ATAT1: variants seen among roughly 807,000 people sequenced by gnomAD.
ATAT1 encodes the protein alpha tubulin acetyltransferase 1.
A neutral mutation model predicts 57.2 loss-of-function variants in ATAT1; 42 were observed. The observed-to-expected ratio is 0.73, with a 90% CI of 0.57 to 0.95. ATAT1 has a LOEUF of 0.95. Ranked by LOEUF, ATAT1 falls within the 40% of genes least tolerant of loss-of-function variation. The pLI, the probability that ATAT1 is intolerant of heterozygous loss-of-function variation, is 0.00. For synonymous variants in ATAT1, 168 were observed against 187.1 expected (o/e 0.90, Z 0.83); for missense variants, 454 against 523.7 (o/e 0.87, Z 1.30).
intron 6 of ATAT1, among the ~76,000 whole-genome samples, chr6:30,632,651 G>A (rs548996170): frequency 1.3e-5 from 2 of 151,836 alleles, no homozygotes; most frequent in South Asian, 2.1e-4. Flanking sequence ...TTAAGAACAG[G>A]CAATAGCCGG....
chr6:30,646,016 C>T, intron 11 of ATAT1, 42 bp downstream of exon 11: 1 of 1,605,878 alleles, frequency 6.2e-7, no homozygotes, highest in Non-Finnish European at 8.5e-7. Flanking sequence ...AAGTAGGCCA[C>T]ATTCACTGTC....
chr6:30,629,049 C>T (rs1219348514), intron 6 of ATAT1, among the ~76,000 whole-genome samples: 1 of 151,980 alleles, frequency 6.6e-6, no homozygotes, highest in Non-Finnish European at 1.5e-5. Context: ...TACAGGCATG[C>T]ACCACCATGC....
intron 6 of ATAT1, among the ~76,000 whole-genome samples, chr6:30,629,924 C>CA (rs1030864306): frequency 6.6e-6 from 1 of 152,156 alleles, no homozygotes; most frequent in African/African-American, 2.4e-5. Context: ...CTCATCTGGT[C>CA]AGTCAGTATT....
At position 30,646,113 on chromosome 6, in the gene ATAT1, A is replaced by G. The variant is rs1455092320; in HGVS notation, c.1055+4A>G. ...GAGAACAGGAAACAAAGAATAGGTGAGGTCTAAACCCCTCCCCTAACAGCC... is the reference window on the plus strand; with the variant it reads ...GAGAACAGGAAACAAAGAATAGGTGGGGTCTAAACCCCTCCCCTAACAGCC... On this transcript the variant is annotated splice_donor_region_variant and intron_variant, in intron 12 of 12. Transcript: ENST00000330083. 4 of 1,607,482 alleles carry G rather than the reference A, an allele frequency of 2.5e-6. No individual in the cohort carries two copies. Among genetic ancestry groups the G allele is most frequent in the Non-Finnish European group, 3.4e-6 (4 of 1,176,924 alleles).
At chr6:30,645,032 T>C (rs1766390775) in intron 10 of ATAT1, among the ~76,000 whole-genome samples, 1 of 152,156 alleles carries the variant, frequency 6.6e-6, no homozygotes, top group Admixed American at 6.6e-5. Context: ...GCCTCCTGTA[T>C]TCGTCTTCCC....
intron 10 of ATAT1, chr6:30,643,244 T>A: frequency 7.1e-7 from 1 of 1,413,632 alleles, no homozygotes; most frequent in African/African-American, 1.5e-5. Flanking sequence ...AATGTGAGAG[T>A]TATGTGGAAT....
At chr6:30,629,786 T>G (rs995124537) in intron 6 of ATAT1, among the ~76,000 whole-genome samples, 2 of 151,858 alleles carry the variant, frequency 1.3e-5, no homozygotes, top group Non-Finnish European at 2.9e-5. Context: ...CCTTGTGATC[T>G]GCCCGCCTCG....
At position 30,642,353 on chromosome 6, in the gene ATAT1, ATT is replaced by A. The variant is rs1765635847; in HGVS notation, c.688+108_688+109del. ...GGATTCGTTCTCTCTAAAGACTCAGATTTCTTGGGCTGGGCATGGTGGCTCAT... is the reference window on the plus strand; with the variant it reads ...GGATTCGTTCTCTCTAAAGACTCAGATCTTGGGCTGGGCATGGTGGCTCAT... On this transcript the variant is annotated intron_variant, in intron 9 of 12. Coordinates refer to ENST00000330083, the MANE Select transcript of ATAT1 (RefSeq NM_001031722.4). The A allele has an allele frequency of 2.7e-6, 4 of 1,503,712 alleles. No homozygotes were observed. In the South Asian group the frequency reaches 4.6e-5, roughly 17 times the overall value. 93.1% of individuals were successfully genotyped at this position (1,503,712 alleles called of 1,614,324 possible).
chr6:30,634,723 T>C (rs1178046052), intron 6 of ATAT1, among the ~76,000 whole-genome samples: 3 of 129,976 alleles, frequency 2.3e-5, no homozygotes, highest in Admixed American at 8.3e-5. Flanking sequence ...GCGCGGTGGC[T>C]CGCGCCTGTA....
At chr6:30,639,015 C>G (rs11755197) in intron 6 of ATAT1, among the ~76,000 whole-genome samples, 106 of 152,310 alleles carry the variant, frequency 7.0e-4, no homozygotes, top group African/African-American at 1.9e-3. Flanking sequence ...GAGTCTCATT[C>G]TCTTGCCCAG....
rs1386384914 is a variant in ATAT1, at chr6:30,627,209, G to T, written c.6G>T (p.Trp2Cys). ...CAAAATGTCCCAATCAAAGGATGTG[G>T]TTGACCTGGCCTTTCTGCTTCCTCA... Residue 2 changes from tryptophan to cysteine, a missense_variant, in exon 1 of 13, where the codon TGG becomes TGT. Trp to Cys is a radical substitution (Grantham distance 215, BLOSUM62 -2). Transcript: ENST00000330083. The T allele has an allele frequency of 1.3e-5, 21 of 1,613,880 alleles. No homozygotes were observed. The highest frequency in any genetic ancestry group is 1.8e-5 in the Non-Finnish European group (21 of 1,179,894).
chr6:30,631,504 C>G (rs1762868629), intron 6 of ATAT1, among the ~76,000 whole-genome samples: 1 of 151,702 alleles, frequency 6.6e-6, no homozygotes, highest in African/African-American at 2.4e-5. Flanking sequence ...CAAGGCTGGG[C>G]GTGGTGACTT....
intron 6 of ATAT1, among the ~76,000 whole-genome samples, chr6:30,631,712 G>A (rs1201331099): frequency 1.3e-5 from 2 of 151,912 alleles, no homozygotes; most frequent in Admixed American, 1.3e-4. Context: ...CCAGGAGGTC[G>A]AAGCTGCAGT....
At position 30,642,833 on chromosome 6, in the gene ATAT1, G is replaced by GGCCCCCCCCCCCCCCCCCCCCCCC; in HGVS notation, c.754_755insGCCCCCCCCCCCCCCCCCCCCCCC (p.Ala252delinsGlyProProProProProProProPro). 3 of 1,537,868 alleles carry GGCCCCCCCCCCCCCCCCCCCCCCC rather than the reference G, an allele frequency of 2.0e-6. No individual in the cohort carries two copies. Among genetic ancestry groups the GGCCCCCCCCCCCCCCCCCCCCCCC allele is most frequent in the Non-Finnish European group, 1.7e-6 (2 of 1,145,776 alleles). ...GGCCCCTCGCCGCGCCACACCTCCAGCCCACCCACCCCCCCGCTCCAGCAG... is the reference window on the plus strand; with the variant it reads ...GGCCCCTCGCCGCGCCACACCTCCAGGCCCCCCCCCCCCCCCCCCCCCCCCCCACCCACCCCCCCGCTCCAGCAG... On this transcript the variant is annotated protein_altering_variant, in exon 10 of 13. Coordinates refer to ENST00000330083, the MANE Select transcript of ATAT1 (RefSeq NM_001031722.4).
Position 30,642,838 on chromosome 6 carries a change from C to CCAACACCACAACAAAAAA in ATAT1, c.760_761insAACACCACAACAAAAAAC (p.His253_Pro254insGlnHisHisAsnLysLys). On this transcript the variant is annotated inframe_insertion, in exon 10 of 13. Transcript: ENST00000330083. The stretch of plus-strand genomic sequence containing the variant: ...CTCGCCGCGCCACACCTCCAGCCCA[C>CCAACACCACAACAAAAAA]CCACCCCCCCGCTCCAGCAGCCTGG... 1 of 599,414 alleles carries CCAACACCACAACAAAAAA rather than the reference C, an allele frequency of 1.7e-6. No individual in the cohort carries two copies. Among genetic ancestry groups the CCAACACCACAACAAAAAA allele is most frequent in the Non-Finnish European group, 3.0e-6 (1 of 337,850 alleles). The allele number at this position is 599,414 out of a possible 1,614,324, so 37.1% of individuals were successfully genotyped here. A position where few individuals can be genotyped will look rare whatever the true frequency, so the allele number is the denominator to read the frequency against.
chr6:30,631,258 C>T (rs746345867), intron 6 of ATAT1, among the ~76,000 whole-genome samples: 7 of 151,466 alleles, frequency 4.6e-5, no homozygotes, highest in Non-Finnish European at 1.0e-4. Flanking sequence ...CCGAGGCGCG[C>T]GGATCACGAG....
intron 6 of ATAT1, among the ~76,000 whole-genome samples, chr6:30,635,004 A>G (rs748665143): frequency 6.6e-6 from 1 of 152,046 alleles, no homozygotes; most frequent in Non-Finnish European, 1.5e-5. Flanking sequence ...AACAACAACA[A>G]CAAAAAGTCT....
chr6:30,639,412 G>A (rs113520162), intron 6 of ATAT1, among the ~76,000 whole-genome samples: 5,621 of 151,584 alleles, frequency 0.037, 196 homozygotes, highest in African/African-American at 0.083. Context: ...TAGATAGAAC[G>A]CACTTATCAG....
chr6:30,633,762 G>T, intron 6 of ATAT1: 1 of 188,900 alleles, frequency 5.3e-6, no homozygotes, highest in South Asian at 1.2e-4. Flanking sequence ...ATGGGGAGCA[G>T]GAGGCTGACA....
Sources: gnomAD v4.1 joint callset for allele counts (sites outside exome capture counted in the v4.1 genomes callset) on GRCh38, gnomAD v4.1.1 for gene constraint, MANE v1.5 for transcripts, NCBI Gene and HGNC (gene_info 2026-07-23, HGNC 2026-07-21) for gene names.